The following LOC400499 variants were observed in gnomAD, a reference collection of about 807,000 sequenced individuals.
the LOC400499 span, among the ~76,000 whole-genome samples, chr16:11,388,040 T>C: frequency 6.6e-6 from 1 of 151,792 alleles, no homozygotes; most frequent in Non-Finnish European, 1.5e-5. Context: ...CACATGGGGG[T>C]ATAGTGGGAA....
chr16:11,451,247 C>G, the LOC400499 span, among the ~76,000 whole-genome samples: 1 of 152,184 alleles, frequency 6.6e-6, no homozygotes, highest in Non-Finnish European at 1.5e-5. Flanking sequence ...AATCACTGTA[C>G]CATTCATCCA....
At chr16:11,477,059 G>A in the LOC400499 span, 2 of 399,678 alleles carry the variant, frequency 5.0e-6, no homozygotes, top group East Asian at 7.1e-5. Flanking sequence ...CTCCACCACT[G>A]CCACCACTGC....
the LOC400499 span, among the ~76,000 whole-genome samples, chr16:11,450,317 A>G: frequency 0.051 from 7,714 of 152,312 alleles, 249 homozygotes; most frequent in East Asian, 0.14. Flanking sequence ...GCAAAAGCCG[A>G]ATGTCCATCT....
chr16:11,397,741 TGGAGGGAGGGAG>T, the LOC400499 span, among the ~76,000 whole-genome samples: 2 of 70,010 alleles, frequency 2.9e-5, no homozygotes, highest in African/African-American at 5.1e-5. Context: ...GTCCTTGGGA[TGGAGGGAGGGAG>T]GGATGGAGGG....
chr16:11,515,479 GTACATACATACA>G, the LOC400499 span, among the ~76,000 whole-genome samples: 2 of 144,338 alleles, frequency 1.4e-5, no homozygotes, highest in Non-Finnish European at 2.9e-5. Flanking sequence ...ACATACGTAC[GTACATACATACA>G]TACATACGTA....
At chr16:11,439,874 C>T in the LOC400499 span, among the ~76,000 whole-genome samples, 2 of 151,956 alleles carry the variant, frequency 1.3e-5, no homozygotes, top group Non-Finnish European at 2.9e-5. Context: ...TTCTACTTGA[C>T]CCTGACCTTG....
At chr16:11,402,986 G>A in the LOC400499 span, among the ~76,000 whole-genome samples, 141 of 152,104 alleles carry the variant, frequency 9.3e-4, no homozygotes, top group Non-Finnish European at 1.7e-3. Flanking sequence ...TGTGACAGGT[G>A]ACACCCCATA....
chr16:11,459,819 C>G, the LOC400499 span: 181 of 1,238,578 alleles, frequency 1.5e-4, no homozygotes, highest in Middle Eastern at 8.9e-4. Context: ...GGCCAGAGGG[C>G]CATGTGGGGG....
At chr16:11,403,030 C>G in the LOC400499 span, among the ~76,000 whole-genome samples, 1 of 152,102 alleles carries the variant, frequency 6.6e-6, no homozygotes, top group African/African-American at 2.4e-5. Flanking sequence ...GGCCTCCACA[C>G]CCCGGGTTTT....
the LOC400499 span, chr16:11,493,741 G>A: frequency 7.6e-6 from 3 of 395,632 alleles, no homozygotes; most frequent in Non-Finnish European, 1.3e-5. Context: ...CAACGTAGGG[G>A]TGAGAGCCAT....
the LOC400499 span, among the ~76,000 whole-genome samples, chr16:11,470,334 C>G: frequency 6.6e-6 from 1 of 152,176 alleles, no homozygotes; most frequent in Non-Finnish European, 1.5e-5. Context: ...ACTCCCAGCA[C>G]CCTAGCCCAG....
the LOC400499 span, among the ~76,000 whole-genome samples, chr16:11,412,290 G>T: frequency 1.3e-5 from 2 of 152,184 alleles, no homozygotes; most frequent in Non-Finnish European, 2.9e-5. Flanking sequence ...GTGTGTCCTA[G>T]GCACTGTAAG....
chr16:11,498,765 AC>A, the LOC400499 span, among the ~76,000 whole-genome samples: 96 of 151,710 alleles, frequency 6.3e-4, no homozygotes, highest in African/African-American at 2.0e-3. Flanking sequence ...TCTGGGCTCC[AC>A]AAGCCGATCG....
At chr16:11,456,027 A>G in the LOC400499 span, among the ~76,000 whole-genome samples, 1 of 148,350 alleles carries the variant, frequency 6.7e-6, no homozygotes, top group Non-Finnish European at 1.5e-5. Context: ...AATGGAAAAA[A>G]AAATTCGTGG....
the LOC400499 span, among the ~76,000 whole-genome samples, chr16:11,388,092 G>GGGAGCA: frequency 6.6e-6 from 1 of 152,132 alleles, no homozygotes. Context: ...CCAGTAGAGA[G>GGGAGCA]GGAGCAGGGG....
the LOC400499 span, among the ~76,000 whole-genome samples, chr16:11,408,235 G>C: frequency 6.6e-6 from 1 of 152,026 alleles, no homozygotes; most frequent in Non-Finnish European, 1.5e-5. Context: ...TGCCCACCTC[G>C]GCCTCCCAAA....
At chr16:11,452,459 G>A in the LOC400499 span, among the ~76,000 whole-genome samples, 1 of 152,164 alleles carries the variant, frequency 6.6e-6, no homozygotes, top group South Asian at 2.1e-4. Flanking sequence ...CCACACGCGG[G>A]GTTCATGATC....
At chr16:11,458,482 G>T in the LOC400499 span, among the ~76,000 whole-genome samples, 2 of 149,304 alleles carry the variant, frequency 1.3e-5, no homozygotes, top group African/African-American at 2.5e-5. Context: ...TCCAGTGTGG[G>T]CAACAAAAGC....
chr16:11,520,588 A>C, the LOC400499 span, among the ~76,000 whole-genome samples: 13 of 151,004 alleles, frequency 8.6e-5, no homozygotes, highest in Admixed American at 1.3e-4. Context: ...AATCGCTTGA[A>C]CTGGGGAGGC....
Sources: gnomAD v4.1 joint callset for allele counts (sites outside exome capture counted in the v4.1 genomes callset) on GRCh38, gnomAD v4.1.1 for gene constraint, MANE v1.5 for transcripts.